ZNF354B: variants seen among roughly 807,000 people sequenced by gnomAD.
The protein encoded by ZNF354B is zinc finger protein 354B.
A neutral mutation model predicts 12.9 loss-of-function variants in ZNF354B; 10 were observed. The observed-to-expected ratio is 0.77, with a 90% CI of 0.48 to 1.31. The LOEUF (loss-of-function observed/expected upper bound fraction) is 1.31. Among genes scored for constraint, ZNF354B ranks in the 40% most tolerant of loss-of-function variants. ZNF354B has a pLI of 0.00. For synonymous variants in ZNF354B, 260 were observed against 243.7 expected (o/e 1.07, Z -0.62); for missense variants, 614 against 711.7 (o/e 0.86, Z 1.56).
intron 4 of ZNF354B, among the ~76,000 whole-genome samples, chr5:178,880,020 G>A (rs1354236025): frequency 2.0e-5 from 3 of 152,020 alleles, no homozygotes; most frequent in African/African-American, 7.2e-5. Flanking sequence ...CAGCTACTTG[G>A]GAGGCTGAGG....
chr5:178,876,849 A>G (rs1757644902), intron 4 of ZNF354B, among the ~76,000 whole-genome samples: 1 of 151,448 alleles, frequency 6.6e-6, no homozygotes, highest in Non-Finnish European at 1.5e-5. Flanking sequence ...GTAGCATGCC[A>G]CCATCTGGTC....
chr5:178,863,480 A>G (rs994502658), intron 2 of ZNF354B, among the ~76,000 whole-genome samples: 1 of 152,148 alleles, frequency 6.6e-6, no homozygotes, highest in African/African-American at 2.4e-5. Context: ...TTTTGTGGTG[A>G]TGCTGGTATA....
At chr5:178,882,201 C>T in intron 4 of ZNF354B, among the ~76,000 whole-genome samples, 1 of 152,050 alleles carries the variant, frequency 6.6e-6, no homozygotes, top group East Asian at 1.9e-4. Context: ...GTGTATTATT[C>T]CTTACTTAAA....
At chr5:178,869,239 A>G (rs76223203) in intron 4 of ZNF354B, among the ~76,000 whole-genome samples, 15,458 of 152,214 alleles carry the variant, frequency 0.1, 824 homozygotes, top group Non-Finnish European at 0.12. Flanking sequence ...CCCTTGTGCC[A>G]CGGGCCCAGC....
intron 4 of ZNF354B, among the ~76,000 whole-genome samples, chr5:178,880,961 G>A (rs1045624210): frequency 1.4e-5 from 2 of 148,146 alleles, no homozygotes; most frequent in African/African-American, 5.0e-5. Flanking sequence ...TCCTGCCTCA[G>A]CCTCCCTAGT....
chr5:178,883,797 T>A lies in ZNF354B; in HGVS notation c.1345T>A (p.Ser449Thr), dbSNP rs1266158234. The change falls in exon 5 of 5, where the codon TCC becomes ACC. Residue 449 changes from serine to threonine, a missense_variant. Physicochemically the swap from Ser to Thr is moderately conservative, Grantham distance 58. Coordinates refer to ENST00000322434, the MANE Select transcript of ZNF354B (RefSeq NM_058230.3). ...TAATGAATGTGGTAAAGCCTTAAGC[T>A]CCCACTCAACACTTATTATTCATGA... is the stretch of plus-strand genomic sequence containing the variant. ...NCNECGKALSSHSTLIIHERI... is the reference protein window; with the variant it reads ...NCNECGKALSTHSTLIIHERI... The A allele has an allele frequency of 6.2e-7, 1 of 1,614,092 alleles. No homozygotes were observed. Among genetic ancestry groups the A allele is most frequent in the South Asian group, 1.1e-5 (1 of 91,070 alleles).
chr5:178,869,887 G>A (rs575053133), intron 4 of ZNF354B, among the ~76,000 whole-genome samples: 47 of 152,280 alleles, frequency 3.1e-4, no homozygotes, highest in African/African-American at 1.1e-3. Context: ...TGGGGCTCCT[G>A]TCTGCCTGGA....
chr5:178,865,655 G>A (rs892284390), intron 2 of ZNF354B, among the ~76,000 whole-genome samples: 5 of 152,186 alleles, frequency 3.3e-5, no homozygotes, highest in African/African-American at 1.2e-4. Flanking sequence ...TAAGGTAATT[G>A]TGAAGGTTAG....
intron 2 of ZNF354B, among the ~76,000 whole-genome samples, chr5:178,861,978 C>T (rs1020412154): frequency 2.6e-5 from 4 of 152,126 alleles, no homozygotes; most frequent in African/African-American, 7.2e-5. Flanking sequence ...GTTGTGTTTG[C>T]TGAGTGACAT....
intron 4 of ZNF354B, among the ~76,000 whole-genome samples, chr5:178,877,008 T>G (rs1484333211): frequency 6.6e-6 from 1 of 151,986 alleles, no homozygotes; most frequent in Non-Finnish European, 1.5e-5. Context: ...TTTTGTTTTG[T>G]TTTGGTTTTT....
Position 178,884,610 on chromosome 5 carries a change from GA to G in ZNF354B, c.*324del, listed in dbSNP as rs1757774362. ...TGCTGAGGTGCTGAATTTTTCATTA[GA>G]AAAACATTTGTATAAACTACTATTA... On this transcript the variant is annotated 3_prime_UTR_variant, in exon 5 of 5. Coordinates refer to ENST00000322434, the MANE Select transcript of ZNF354B (RefSeq NM_058230.3). The G allele has an allele frequency of 5.1e-6, 1 of 197,910 alleles. No homozygotes were observed. Among genetic ancestry groups the G allele is most frequent in the Non-Finnish European group, 1.0e-5 (1 of 98,854 alleles). The allele number at this position is 197,910 out of a possible 1,614,324, so 12.3% of individuals were successfully genotyped here.
At chr5:178,863,844 A>G (rs968288895) in intron 2 of ZNF354B, among the ~76,000 whole-genome samples, 2 of 152,210 alleles carry the variant, frequency 1.3e-5, no homozygotes, top group African/African-American at 4.8e-5. Context: ...TTTATGTCCT[A>G]GTTTTTAACA....
intron 4 of ZNF354B, 36 bp from the exon 5 acceptor site, chr5:178,882,673 A>C (rs1463105873): frequency 4.0e-6 from 6 of 1,518,450 alleles, no homozygotes; most frequent in Non-Finnish European, 4.4e-6. Flanking sequence ...AATCACATGA[A>C]TCATGGGCTG....
intron 4 of ZNF354B, among the ~76,000 whole-genome samples, chr5:178,880,182 C>G (rs1248914603): frequency 6.6e-6 from 1 of 151,886 alleles, no homozygotes; most frequent in Admixed American, 6.6e-5. Flanking sequence ...ATTCGTCATC[C>G]AATTTCTTTT....
intron 4 of ZNF354B, among the ~76,000 whole-genome samples, chr5:178,872,055 A>C (rs1251902483): frequency 6.6e-6 from 1 of 152,238 alleles, no homozygotes; most frequent in Non-Finnish European, 1.5e-5. Flanking sequence ...GTGAAGATAC[A>C]GAAAAATCCC....
chr5:178,866,089 G>A, intron 2 of ZNF354B, among the ~76,000 whole-genome samples, 155 bp from the exon 3 acceptor site: 1 of 152,212 alleles, frequency 6.6e-6, no homozygotes, highest in Non-Finnish European at 1.5e-5. Context: ...GTATACATTT[G>A]TTACTGGCCA....
At chr5:178,873,005 C>G (rs1581812726) in intron 4 of ZNF354B, among the ~76,000 whole-genome samples, 1 of 152,152 alleles carries the variant, frequency 6.6e-6, no homozygotes, top group South Asian at 2.1e-4. Flanking sequence ...CCAGGCTGGT[C>G]TCAAACTCCT....
At chr5:178,866,941 C>T (rs1757468947) in intron 3 of ZNF354B, 35 bp from the exon 4 acceptor site, 2 of 1,600,224 alleles carry the variant, frequency 1.2e-6, no homozygotes, top group South Asian at 1.1e-5. Context: ...AAAACGAAGA[C>T]TGAGACTTTT....
intron 4 of ZNF354B, among the ~76,000 whole-genome samples, chr5:178,872,194 A>G (rs1050490203): frequency 5.3e-5 from 8 of 152,084 alleles, no homozygotes; most frequent in Non-Finnish European, 1.0e-4. Context: ...TCCGTTCTAT[A>G]ATTTTATCAT....
Sources: allele counts gnomAD v4.1 joint callset (sites outside exome capture counted in the v4.1 genomes callset), GRCh38; gene constraint gnomAD v4.1.1; transcripts MANE v1.5; gene names NCBI Gene and HGNC (gene_info 2026-07-23, HGNC 2026-07-21).